MITF: variants seen among roughly 807,000 people sequenced by gnomAD.
MITF encodes the protein microphthalmia-associated transcription factor.
MITF carries 17 observed loss-of-function variants against 60.5 expected under a neutral mutation model. The observed-to-expected ratio is 0.28, with a 90% CI of 0.19 to 0.42. The LOEUF is 0.42. MITF is among the 10% of genes least tolerant of loss of function. The pLI is 1.00. For missense variants in MITF, 622 were observed against 683.5 expected, an observed-to-expected ratio of 0.91 and a Z score of 1.00; for synonymous variants, 260 against 248.5, an observed-to-expected ratio of 1.05 and a Z score of -0.43.
intron 1 of MITF, among the ~76,000 whole-genome samples, chr3:69,798,264 T>C (rs1277910176): frequency 6.6e-6 from 1 of 152,216 alleles, no homozygotes; most frequent in African/African-American, 2.4e-5. Context: ...GAGGAAACCA[T>C]GTTGTATTAG....
intron 1 of MITF, chr3:69,763,689 C>G: frequency 7.7e-7 from 1 of 1,293,518 alleles, no homozygotes; most frequent in Non-Finnish European, 1.0e-6. Context: ...CCAAGGCAGC[C>G]CTGGTGAGTG....
At chr3:69,791,211 G>C (rs1575718374) in intron 1 of MITF, among the ~76,000 whole-genome samples, 1 of 152,188 alleles carries the variant, frequency 6.6e-6, no homozygotes, top group East Asian at 1.9e-4. Context: ...TTGCTAATCA[G>C]GGAAATGCTG....
intron 8 of MITF, among the ~76,000 whole-genome samples, chr3:69,958,348 A>G (rs556416971): frequency 1.3e-5 from 2 of 152,286 alleles, no homozygotes; most frequent in African/African-American, 4.8e-5. Context: ...CTGGGTTGCC[A>G]TCTTTGGTGT....
intron 1 of MITF, among the ~76,000 whole-genome samples, chr3:69,822,070 T>G (rs2063284632): frequency 6.6e-6 from 1 of 152,320 alleles, no homozygotes; most frequent in South Asian, 2.1e-4. Flanking sequence ...ATAGTCTCTC[T>G]CTCTCAGAAA....
chr3:69,921,494 G>A (rs956898324), intron 2 of MITF, among the ~76,000 whole-genome samples: 6 of 152,096 alleles, frequency 3.9e-5, no homozygotes, highest in Admixed American at 2.0e-4. Flanking sequence ...TGAATTGATC[G>A]TTCTTGATTT....
At position 69,804,191 on chromosome 3, in the gene MITF, G is replaced by A. The variant is rs188275937; in HGVS notation, c.104+64490G>A. Among the ~76,000 whole-genome samples, 26 of 152,316 alleles carry A rather than the reference G, an allele frequency of 1.7e-4. No individual in the cohort carries two copies. In the East Asian group the frequency reaches 5.0e-3, roughly 29 times the overall value. On this transcript the variant is annotated intron_variant, in intron 1 of 9. Transcript: ENST00000352241. ...CTGAAGTACTAAAAATACATGAACA[G>A]TTGTTACGACAGACAATGTAAGATT... is the stretch of plus-strand genomic sequence containing the variant.
At chr3:69,896,599 T>C (rs1171544579) in intron 2 of MITF, among the ~76,000 whole-genome samples, 2 of 152,184 alleles carry the variant, frequency 1.3e-5, no homozygotes, top group Non-Finnish European at 2.9e-5. Context: ...TAAAGGTGCA[T>C]AGGTTTTGAG....
intron 3 of MITF, 102 bp downstream of exon 3, chr3:69,938,151 G>T: frequency 1.5e-6 from 2 of 1,343,424 alleles, no homozygotes; most frequent in Non-Finnish European, 2.1e-6. Flanking sequence ...TGTCCTTGTG[G>T]CCACATTTAC....
At chr3:69,832,086 A>C (rs1354252719) in intron 1 of MITF, among the ~76,000 whole-genome samples, 4 of 152,202 alleles carry the variant, frequency 2.6e-5, no homozygotes, top group Non-Finnish European at 1.5e-5. Context: ...ATCATGGTCA[A>C]ACTTAGTGAG....
chr3:69,935,449 C>G (rs2065811432), intron 2 of MITF, among the ~76,000 whole-genome samples: 1 of 152,100 alleles, frequency 6.6e-6, no homozygotes, highest in Non-Finnish European at 1.5e-5. Context: ...TAAGCACATT[C>G]TACTCATTGC....
At chr3:69,766,685 C>T (rs372604986) in intron 1 of MITF, among the ~76,000 whole-genome samples, 9 of 152,174 alleles carry the variant, frequency 5.9e-5, no homozygotes, top group African/African-American at 2.2e-4. Context: ...GTCTGTCTCC[C>T]GCTATATACA....
At chr3:69,831,127 A>G (rs1318573693) in intron 1 of MITF, among the ~76,000 whole-genome samples, 6 of 152,168 alleles carry the variant, frequency 3.9e-5, no homozygotes, top group African/African-American at 4.8e-5. Flanking sequence ...GCATAGTACC[A>G]TACTTAAATA....
chr3:69,767,553 C>T lies in MITF; in HGVS notation c.104+27852C>T, dbSNP rs536644263. Among the ~76,000 whole-genome samples, 3 of 152,130 alleles carry T rather than the reference C, an allele frequency of 2.0e-5. No homozygotes were observed. In the South Asian group the frequency reaches 6.2e-4, roughly 32 times the overall value. Reference sequence around the variant, plus strand: ...TCAGCCGAGATTGCGCCACTGCACTCCAGCCTGGGCAACAGAGCAAGACTC... The same window carrying T: ...TCAGCCGAGATTGCGCCACTGCACTTCAGCCTGGGCAACAGAGCAAGACTC... On this transcript the variant is annotated intron_variant, in intron 1 of 9. Transcript: ENST00000352241.
At chr3:69,945,268 G>A (rs1399789605) in intron 5 of MITF, among the ~76,000 whole-genome samples, 1 of 152,126 alleles carries the variant, frequency 6.6e-6, no homozygotes, top group African/African-American at 2.4e-5. Flanking sequence ...ACCAGTATGG[G>A]GGCATAGACC....
chr3:69,748,843 G>C (rs1167616467), intron 1 of MITF, among the ~76,000 whole-genome samples: 1 of 152,166 alleles, frequency 6.6e-6, no homozygotes, highest in East Asian at 1.9e-4. Flanking sequence ...TTGTAGAATA[G>C]GTTTCCTTCT....
At chr3:69,923,018 A>G (rs966858283) in intron 2 of MITF, among the ~76,000 whole-genome samples, 1 of 152,220 alleles carries the variant, frequency 6.6e-6, no homozygotes, top group Non-Finnish European at 1.5e-5. Flanking sequence ...GTTTAACAAC[A>G]GTGTCCACCC....
chr3:69,866,219 C>T, intron 1 of MITF: 3 of 1,603,248 alleles, frequency 1.9e-6, no homozygotes, highest in Non-Finnish European at 2.5e-6. Flanking sequence ...CCTAGTGACA[C>T]AGCCAGTGCC....
intron 1 of MITF, among the ~76,000 whole-genome samples, chr3:69,785,035 ATT>A (rs35217879): frequency 7.2e-5 from 10 of 139,582 alleles, no homozygotes; most frequent in Non-Finnish European, 4.7e-5. Flanking sequence ...CTGCAGTTGG[ATT>A]TTTTTTTTTT....
At chr3:69,743,299 T>C (rs150980252) in intron 1 of MITF, among the ~76,000 whole-genome samples, 6 of 152,342 alleles carry the variant, frequency 3.9e-5, no homozygotes, top group Non-Finnish European at 8.8e-5. Context: ...ACACAATAAA[T>C]ATTTGTTTGA....
Sources: gnomAD v4.1 joint callset for allele counts (sites outside exome capture counted in the v4.1 genomes callset) on GRCh38, gnomAD v4.1.1 for gene constraint, MANE v1.5 for transcripts, NCBI Gene and HGNC (gene_info 2026-07-23, HGNC 2026-07-21) for gene names.